Variants in NOL4L observed in about 807,000 individuals in gnomAD.
NOL4L encodes the protein nucleolar protein 4 like, also known as nucleolar protein 4-like.
In NOL4L, 7 loss-of-function variants were observed where a neutral mutation model predicts 64.5. The observed-to-expected ratio is 0.11, with a 90% confidence interval of 0.06 to 0.20. NOL4L has a LOEUF of 0.20. Ranked by LOEUF, NOL4L falls within the 10% of genes least tolerant of loss-of-function variation. NOL4L has a pLI of 1.00. For synonymous variants in NOL4L, 413 were observed against 401.0 expected (o/e 1.03, Z -0.36); for missense variants, 680 against 967.1 (o/e 0.70, Z 3.94).
chr20:32,481,896 G>A (rs1170297517), intron 4 of NOL4L, among the ~76,000 whole-genome samples: 5 of 139,512 alleles, frequency 3.6e-5, no homozygotes, highest in Admixed American at 3.0e-4. Context: ...CTCCCCAGAA[G>A]AGCCATGAGG....
chr20:32,453,944 G>A lies in NOL4L; in HGVS notation c.1120-183C>T, dbSNP rs561865403. ...CTGCTCCCTTCATCTGTGCAATGGG[G>A]ACAGCAATGCTACCACCTCCCTCCC... On this transcript the variant is annotated intron_variant, in intron 6 of 10. Coordinates refer to ENST00000621426, the MANE Select transcript of NOL4L (RefSeq NM_001256798.2). The surrounding 1 kb of genome is among the most constrained non-coding windows in gnomAD (Gnocchi z 5.6). 4 of 611,950 alleles carry A rather than the reference G, an allele frequency of 6.5e-6. No individual in the cohort carries two copies. The highest frequency in any genetic ancestry group is 8.6e-6 in the Non-Finnish European group (3 of 347,666). The allele number at this position is 611,950 out of a possible 1,614,324, so 37.9% of individuals were successfully genotyped here. A position where few individuals can be genotyped will look rare whatever the true frequency, so the allele number is the denominator to read the frequency against.
chr20:32,453,023 G>C lies in NOL4L; in HGVS notation c.1498-17C>G. ...GGGTCTGGTCTGCAGGCAGAACGGG[G>C]ATGGAGCTAGCATGGGGCCCGTGGG... On this transcript the variant is annotated splice_polypyrimidine_tract_variant and intron_variant, in intron 8 of 10. Coordinates refer to ENST00000621426, the MANE Select transcript of NOL4L (RefSeq NM_001256798.2). The surrounding 1 kb of genome is among the most constrained non-coding windows in gnomAD (Gnocchi z 5.6). 1 of 1,612,256 alleles carries C rather than the reference G, an allele frequency of 6.2e-7. No homozygotes were observed. The highest frequency in any genetic ancestry group is 2.2e-5 in the East Asian group (1 of 44,882).
chr20:32,471,752 G>T (rs1374562590), intron 5 of NOL4L, among the ~76,000 whole-genome samples: 3 of 152,106 alleles, frequency 2.0e-5, no homozygotes, highest in Non-Finnish European at 2.9e-5. Flanking sequence ...GTGCTGTATG[G>T]AGTGAGTTCT....
chr20:32,584,133 G>GCGCACACACACACACACACACACACA (rs1555811186), intron 1 of NOL4L, among the ~76,000 whole-genome samples: 1 of 88,800 alleles, frequency 1.1e-5, no homozygotes, highest in African/African-American at 5.2e-5. Context: ...CTCCGCGCGC[G>GCGCACACACACACACACACACACACA]CACACACACA....
Position 32,445,265 on chromosome 20 carries a change from T to C in NOL4L, c.*2331A>G, listed in dbSNP as rs1017322673. 8 of 152,238 alleles carry C rather than the reference T, an allele frequency of 5.3e-5. No individual in the cohort carries two copies. The highest frequency in any genetic ancestry group is 1.9e-4 in the African/African-American group (8 of 41,462). The allele number at this position is 152,238 out of a possible 1,614,324, so 9.4% of individuals were successfully genotyped here. ...CTCAGAAAAACATGACTTCAAACTG[T>C]AGCTTATGCTGATCTTTAGATCTAA... On this transcript the variant is annotated 3_prime_UTR_variant, in exon 11 of 11. Coordinates refer to ENST00000621426, the MANE Select transcript of NOL4L (RefSeq NM_001256798.2).
intron 1 of NOL4L, among the ~76,000 whole-genome samples, chr20:32,541,212 G>A (rs143375968): frequency 6.6e-6 from 1 of 152,098 alleles, no homozygotes; most frequent in Admixed American, 6.5e-5. Context: ...AGACCATTTT[G>A]TCCTGTTCTC....
intron 1 of NOL4L, among the ~76,000 whole-genome samples, chr20:32,580,814 C>A (rs1013729264): frequency 6.6e-6 from 1 of 152,220 alleles, no homozygotes. Context: ...AGACTTGGGG[C>A]TCTCTGATCC....
chr20:32,452,189 G>C (rs1003794966), intron 10 of NOL4L, 47 bp downstream of exon 10: 1 of 1,477,360 alleles, frequency 6.8e-7, no homozygotes, highest in Non-Finnish European at 9.0e-7. Context: ...TGCAGACCCA[G>C]CTGGGTGCTG....
In NOL4L at chr20:32,474,742, C is replaced by A. The variant is rs769502440; in HGVS notation, c.700G>T (p.Asp234Tyr). The change falls in exon 5 of 11, where the codon GAT (aspartate) becomes TAT (tyrosine). Residue 234 changes from aspartate (D) to tyrosine (Y), a missense_variant and splice_region_variant. Physicochemically the swap from Asp to Tyr is radical, Grantham distance 160 (BLOSUM62 -3). Coordinates refer to ENST00000621426, the MANE Select transcript of NOL4L (RefSeq NM_001256798.2). ...TCCTCGCTGCTCACAGAAGTCTCAT[C>A]CTGAGCAGGGACAAAGAAGGTGGGC... is the stretch of plus-strand genomic sequence containing the variant. ...KLRVMNSQEQ[D>Y]ETSVSSEDFD... The A allele has an allele frequency of 2.5e-6, 4 of 1,607,564 alleles. No individual in the cohort carries two copies. The African/African-American group carries it at 4.0e-5, about 16-fold the overall frequency.
At position 32,472,364 on chromosome 20, in the gene NOL4L, A is replaced by G. The variant is rs567091465; in HGVS notation, c.841+2237T>C. ...AGGCCAGAGCCCACACACCAAGCCC[A>G]CCTGGGCATCAGTGGGGTTGGGGGG... On this transcript the variant is annotated intron_variant, in intron 5 of 10. Coordinates refer to ENST00000621426, the MANE Select transcript of NOL4L (RefSeq NM_001256798.2). 5.6e-4 allele frequency among the ~76,000 whole-genome samples: 85 copies of G among 152,308 alleles called. No individual in the cohort carries two copies. The South Asian group carries it at 6.6e-3, about 12-fold the overall frequency.
intron 1 of NOL4L, among the ~76,000 whole-genome samples, chr20:32,562,523 C>T (rs914179172): frequency 6.6e-6 from 1 of 152,104 alleles, no homozygotes; most frequent in Admixed American, 6.5e-5. Flanking sequence ...CTCTGCTTAG[C>T]CCCTTGGTGA....
rs1031775669 is a variant in NOL4L at position 32,517,541 on chromosome 20, G to T, written c.589+3270C>A. 9.2e-5 allele frequency among the ~76,000 whole-genome samples: 14 copies of T among 152,238 alleles called. 1 individual carries two copies. The highest frequency in any genetic ancestry group is 1.5e-5 in the Non-Finnish European group (1 of 68,036). On this transcript the variant is annotated intron_variant, in intron 3 of 10. Coordinates refer to ENST00000621426, the MANE Select transcript of NOL4L (RefSeq NM_001256798.2). Reference sequence around the variant, plus strand: ...TGCCTCTGGCCACTTAGCAGACAGTGGAGCCTTTCAGACTCAAAACTCTCC... The same window carrying T: ...TGCCTCTGGCCACTTAGCAGACAGTTGAGCCTTTCAGACTCAAAACTCTCC...
chr20:32,500,060 C>T (rs1037922046), intron 4 of NOL4L, among the ~76,000 whole-genome samples: 2 of 151,940 alleles, frequency 1.3e-5, no homozygotes, highest in African/African-American at 4.8e-5. Flanking sequence ...GAATCTGTAT[C>T]TCAGAATACG....
intron 1 of NOL4L, among the ~76,000 whole-genome samples, chr20:32,558,574 G>A (rs1049947476): frequency 1.3e-5 from 2 of 152,178 alleles, no homozygotes; most frequent in Admixed American, 1.3e-4. Context: ...ACAGCCGGCT[G>A]GGTACACGGC....
intron 2 of NOL4L, among the ~76,000 whole-genome samples, chr20:32,527,105 T>TC (rs1415830012): frequency 1.3e-5 from 2 of 152,172 alleles, no homozygotes; most frequent in African/African-American, 4.8e-5. Flanking sequence ...TCCCCCGGGC[T>TC]CATCTGTGTC....
At chr20:32,485,076 A>C (rs1420860299) in intron 4 of NOL4L, among the ~76,000 whole-genome samples, 5 of 148,188 alleles carry the variant, frequency 3.4e-5, no homozygotes, top group South Asian at 2.2e-4. Flanking sequence ...AAAAAAAAAA[A>C]AAAAAAAAAA....
intron 1 of NOL4L, among the ~76,000 whole-genome samples, chr20:32,580,063 C>A (rs1173055045): frequency 6.6e-6 from 1 of 152,252 alleles, no homozygotes. Context: ...GAAAGCTTGA[C>A]ATGAAGGACC....
chr20:32,522,399 G>A (rs750240159), intron 2 of NOL4L, among the ~76,000 whole-genome samples: 3 of 152,246 alleles, frequency 2.0e-5, no homozygotes, highest in Non-Finnish European at 2.9e-5. Flanking sequence ...CTGGAGCAGC[G>A]GATGGGAGAG....
intron 9 of NOL4L, 119 bp from the exon 10 acceptor site, chr20:32,452,556 G>A (rs1402133247): frequency 1.0e-6 from 1 of 981,464 alleles, no homozygotes; most frequent in African/African-American, 1.6e-5. Context: ...CAATGCTGCG[G>A]TTTGACCTGT....
Sources: gnomAD v4.1 joint callset for allele counts (sites outside exome capture counted in the v4.1 genomes callset) on GRCh38, gnomAD v4.1.1 for gene constraint, Gnocchi (gnomAD v3.1) non-coding constraint, MANE v1.5 for transcripts, NCBI Gene and HGNC (gene_info 2026-07-23, HGNC 2026-07-21) for gene names.